The following UBE2U variants were observed in gnomAD, a reference collection of about 807,000 sequenced individuals.
The protein encoded by UBE2U is ubiquitin conjugating enzyme E2 U.
In UBE2U, 39 loss-of-function variants were observed where a neutral mutation model predicts 41.2. The observed-to-expected ratio is 0.95, with a 90% CI of 0.73 to 1.24. The LOEUF is 1.24. Ranked by LOEUF, UBE2U falls within the 50% of genes most tolerant of loss-of-function variation. The pLI, the probability that UBE2U is intolerant of heterozygous loss-of-function variation, is 0.00. For synonymous variants in UBE2U, 107 were observed against 117.8 expected, an observed-to-expected ratio of 0.91 and a Z score of 0.60; for missense variants, 336 against 363.1, an observed-to-expected ratio of 0.93 and a Z score of 0.61.
rs1402213203 is a variant in UBE2U, at chr1:64,267,018, C to A, written c.770-6C>A. ...AAATTTCTATTTTTTATAATTCCCA[C>A]CACAGATGAAATTTTTCTTGAGTCA... On this transcript the variant is annotated splice_polypyrimidine_tract_variant and splice_region_variant and intron_variant, in intron 9 of 9. Coordinates refer to ENST00000371077, the MANE Select transcript of UBE2U (RefSeq NM_001366232.2). 6.5e-7 allele frequency: 1 copy of A among 1,546,258 alleles called. No homozygotes were observed. Among genetic ancestry groups the A allele is most frequent in the South Asian group, 1.2e-5 (1 of 82,736 alleles).
intron 6 of UBE2U, among the ~76,000 whole-genome samples, chr1:64,227,550 C>A (rs987740274): frequency 3.3e-5 from 5 of 152,040 alleles, no homozygotes; most frequent in African/African-American, 1.2e-4. Flanking sequence ...GCCTGTAATC[C>A]CACCACTTTG....
chr1:64,257,131 A>G (rs181836664), intron 8 of UBE2U, among the ~76,000 whole-genome samples: 2 of 152,296 alleles, frequency 1.3e-5, no homozygotes, highest in East Asian at 3.9e-4. Flanking sequence ...GCAAGTTTGC[A>G]GAAAAAAAGG....
At chr1:64,220,994 ATGTT>A in intron 6 of UBE2U, 87 bp downstream of exon 6, 2 of 888,880 alleles carry the variant, frequency 2.3e-6, no homozygotes, top group Non-Finnish European at 3.4e-6. Flanking sequence ...TCATAATTAA[ATGTT>A]TGTTTTTAAT....
chr1:64,208,340 CTTATGCCTG>C (rs1439959057), intron 3 of UBE2U, among the ~76,000 whole-genome samples: 2 of 152,080 alleles, frequency 1.3e-5, no homozygotes, highest in African/African-American at 4.8e-5. Flanking sequence ...GGCTCAGTGG[CTTATGCCTG>C]TTATCCCAGT....
chr1:64,213,901 C>G (rs900744081), intron 4 of UBE2U, among the ~76,000 whole-genome samples: 5 of 152,062 alleles, frequency 3.3e-5, no homozygotes, highest in Non-Finnish European at 7.4e-5. Context: ...TGTTACTGTA[C>G]TAAACACTAT....
At position 64,212,921 on chromosome 1, in the gene UBE2U, C is replaced by A. The variant is rs375370814; in HGVS notation, c.340-1894C>A. Among the ~76,000 whole-genome samples the A allele has an allele frequency of 5.3e-5, 8 of 152,172 alleles. No homozygotes were observed. The East Asian group carries it at 1.2e-3, about 22-fold the overall frequency. ...TATCATGGAAAGCCAGTAGATAACA[C>A]AATTTTGTCTTTTTATTTTTCGAAA... On this transcript the variant is annotated intron_variant, in intron 4 of 9. Coordinates refer to ENST00000371077, the MANE Select transcript of UBE2U (RefSeq NM_001366232.2).
intron 8 of UBE2U, among the ~76,000 whole-genome samples, chr1:64,249,255 G>A (rs1326446521): frequency 1.3e-5 from 2 of 151,694 alleles, no homozygotes; most frequent in East Asian, 1.9e-4. Context: ...GTGGGCACCT[G>A]TAATCCTAGC....
At chr1:64,247,544 T>C (rs1644941789) in intron 8 of UBE2U, among the ~76,000 whole-genome samples, 1 of 152,012 alleles carries the variant, frequency 6.6e-6, no homozygotes, top group South Asian at 2.1e-4. Context: ...AAGTTCTCCA[T>C]TAGTTCCCGG....
chr1:64,204,966 G>A (rs1421224493), intron 1 of UBE2U, among the ~76,000 whole-genome samples: 2 of 152,174 alleles, frequency 1.3e-5, no homozygotes, highest in Admixed American at 1.3e-4. Flanking sequence ...GAGCTCTGTA[G>A]TTCTCTGTTG....
chr1:64,226,974 A>G (rs1332160220), intron 6 of UBE2U, among the ~76,000 whole-genome samples: 1 of 152,244 alleles, frequency 6.6e-6, no homozygotes, highest in Non-Finnish European at 1.5e-5. Context: ...TTGGTTTAAT[A>G]TTCAAACATC....
chr1:64,225,140 A>T (rs1046800956), intron 6 of UBE2U, among the ~76,000 whole-genome samples: 3 of 152,250 alleles, frequency 2.0e-5, no homozygotes, highest in African/African-American at 7.2e-5. Context: ...TTAAGTACAT[A>T]GAAAGTAATT....
intron 8 of UBE2U, among the ~76,000 whole-genome samples, chr1:64,258,738 TG>T (rs1244605389): frequency 6.6e-6 from 1 of 152,248 alleles, no homozygotes; most frequent in Non-Finnish European, 1.5e-5. Context: ...ACATTTGGGT[TG>T]GTTCCAAGTC....
At chr1:64,206,889 G>A (rs759031317) in intron 3 of UBE2U, 33 bp downstream of exon 3, 2 of 1,226,074 alleles carry the variant, frequency 1.6e-6, no homozygotes, top group East Asian at 2.3e-5. Context: ...ATCATTAGAG[G>A]CTTTGTCCCT....
chr1:64,266,272 A>G (rs1246893363), intron 9 of UBE2U, among the ~76,000 whole-genome samples: 1 of 152,222 alleles, frequency 6.6e-6, no homozygotes, highest in Non-Finnish European at 1.5e-5. Flanking sequence ...AGTCCTTTGC[A>G]TGACATATGA....
At chr1:64,220,543 A>G (rs1395209742) in intron 5 of UBE2U, among the ~76,000 whole-genome samples, 1 of 152,144 alleles carries the variant, frequency 6.6e-6, no homozygotes, top group Non-Finnish European at 1.5e-5. Context: ...CCCTCCTTCC[A>G]GAGGTATCTG....
chr1:64,266,533 G>T (rs1645257444), intron 9 of UBE2U, among the ~76,000 whole-genome samples: 1 of 152,304 alleles, frequency 6.6e-6, no homozygotes, highest in East Asian at 1.9e-4. Context: ...CACCGCACCT[G>T]GCACAGTGGA....
rs76460232 is a variant in UBE2U, at chr1:64,252,677, A to T, written c.678-7926A>T. On this transcript the variant is annotated intron_variant, in intron 8 of 9. Coordinates refer to ENST00000371077, the MANE Select transcript of UBE2U (RefSeq NM_001366232.2). ...AGCAGCCCTACATTTGCTAACAGTC[A>T]GTGGCCTACCTGTTAAAAGAAAAAC... 7.9e-5 allele frequency among the ~76,000 whole-genome samples: 12 copies of T among 152,324 alleles called. No homozygotes were observed. In the East Asian group the frequency reaches 2.3e-3, roughly 29 times the overall value.
At chr1:64,266,351 T>C (rs1326586497) in intron 9 of UBE2U, among the ~76,000 whole-genome samples, 2 of 152,186 alleles carry the variant, frequency 1.3e-5, no homozygotes, top group Admixed American at 6.5e-5. Context: ...TAACATTGTG[T>C]TTTTGGATAG....
chr1:64,204,956 G>C (rs950508225), intron 1 of UBE2U, among the ~76,000 whole-genome samples: 1 of 152,138 alleles, frequency 6.6e-6, no homozygotes. Context: ...TGCTCATCCT[G>C]AGCTCTGTAG....
Sources: allele counts gnomAD v4.1 joint callset (sites outside exome capture counted in the v4.1 genomes callset), GRCh38; gene constraint gnomAD v4.1.1; transcripts MANE v1.5; gene names NCBI Gene and HGNC (gene_info 2026-07-23, HGNC 2026-07-21).